KRABD2: variants seen among roughly 807,000 people sequenced by gnomAD.
KRABD2 encodes KRAB domain containing 2.
the KRABD2 span, chr17:8,370,355 C>T: frequency 1.3e-6 from 2 of 1,593,162 alleles, no homozygotes; most frequent in African/African-American, 2.7e-5. Flanking sequence ...TTCCAGCTCT[C>T]TGAGGCATCA....
the KRABD2 span, among the ~76,000 whole-genome samples, chr17:8,362,667 G>A: frequency 6.6e-6 from 1 of 152,170 alleles, no homozygotes; most frequent in Non-Finnish European, 1.5e-5. The surrounding 1 kb of genome is among the most constrained non-coding windows in gnomAD (Gnocchi z 4.2). Context: ...TTGAATGGAC[G>A]ATGAACTGGG....
chr17:8,362,004 C>T, the KRABD2 span, among the ~76,000 whole-genome samples: 1 of 152,174 alleles, frequency 6.6e-6, no homozygotes, highest in African/African-American at 2.4e-5. This position sits in a 1 kb window ranked among gnomAD's most constrained non-coding sequence, Gnocchi z 4.2. Context: ...CTTCAACTGA[C>T]TTTGTAGGAT....
chr17:8,371,186 A>T, the KRABD2 span: 1 of 866,948 alleles, frequency 1.2e-6, no homozygotes, highest in Non-Finnish European at 1.8e-6. Flanking sequence ...AAAATTTCTT[A>T]TGGCTGAGGA....
At chr17:8,369,213 A>G in the KRABD2 span, 30 of 1,614,174 alleles carry the variant, frequency 1.9e-5, no homozygotes, top group Middle Eastern at 1.6e-4. Flanking sequence ...GTCATCGTCC[A>G]TATCAGATCT....
the KRABD2 span, among the ~76,000 whole-genome samples, chr17:8,361,521 G>T: frequency 6.6e-6 from 1 of 152,186 alleles, no homozygotes; most frequent in Non-Finnish European, 1.5e-5. Context: ...AGGTAGTTGG[G>T]ACCATATGAT....
the KRABD2 span, among the ~76,000 whole-genome samples, chr17:8,372,937 G>A: frequency 1.0e-3 from 157 of 152,142 alleles, 1 homozygote; most frequent in Non-Finnish European, 3.5e-4. The surrounding 1 kb of genome is among the most constrained non-coding windows in gnomAD (Gnocchi z 4.1). Context: ...AAGGCAACAG[G>A]CTAGAAACAA....
At chr17:8,375,746 G>A in the KRABD2 span, 103 of 300,998 alleles carry the variant, frequency 3.4e-4, no homozygotes, top group African/African-American at 2.4e-3. Flanking sequence ...TATGTTGCCC[G>A]AGGCTTCAGT....
the KRABD2 span, chr17:8,371,553 A>C: frequency 3.2e-6 from 5 of 1,573,718 alleles, no homozygotes; most frequent in Non-Finnish European, 3.5e-6. Context: ...AAGGACTCTG[A>C]AAGCGAGTCA....
At chr17:8,374,937 CAAAAAAAA>C in the KRABD2 span, among the ~76,000 whole-genome samples, 49 of 46,186 alleles carry the variant, frequency 1.1e-3, no homozygotes, top group African/African-American at 2.3e-3. Context: ...GACTCTGTCA[CAAAAAAAA>C]AAAAAAAAAA....
chr17:8,369,006 AG>A, the KRABD2 span: 1 of 1,408,960 alleles, frequency 7.1e-7, no homozygotes, highest in East Asian at 2.4e-5. Context: ...TTTTTGAGCA[AG>A]GACTGCCATG....
the KRABD2 span, among the ~76,000 whole-genome samples, chr17:8,372,446 C>A: frequency 6.6e-6 from 1 of 152,106 alleles, no homozygotes; most frequent in Non-Finnish European, 1.5e-5. This position sits in a 1 kb window ranked among gnomAD's most constrained non-coding sequence, Gnocchi z 4.1. Context: ...AACTCCTGGG[C>A]TCTAGTGATC....
the KRABD2 span, chr17:8,359,648 G>C: frequency 2.2e-6 from 1 of 455,862 alleles, no homozygotes; most frequent in African/African-American, 2.0e-5. Context: ...TTTCAGAGAG[G>C]CTCTCTTCCT....
chr17:8,362,205 C>A, the KRABD2 span, among the ~76,000 whole-genome samples: 5 of 152,092 alleles, frequency 3.3e-5, no homozygotes, highest in Non-Finnish European at 7.4e-5. The surrounding 1 kb of genome is among the most constrained non-coding windows in gnomAD (Gnocchi z 4.2). Context: ...TGGCGGGTGC[C>A]TGTAGTCCCA....
chr17:8,369,049 C>G, the KRABD2 span: 10 of 1,512,320 alleles, frequency 6.6e-6, no homozygotes, highest in Non-Finnish European at 8.8e-6. Context: ...AGCCTTCAAT[C>G]TTTTCCTCTG....
At chr17:8,371,850 A>T in the KRABD2 span, 1 of 1,040,646 alleles carries the variant, frequency 9.6e-7, no homozygotes, top group African/African-American at 1.7e-5. Context: ...CCTGCAGAAA[A>T]GAGATACCCC....
chr17:8,376,385 T>A, the KRABD2 span: 1 of 1,166,350 alleles, frequency 8.6e-7, no homozygotes, highest in East Asian at 3.9e-5. Context: ...TCGATTGCTA[T>A]GAAGATTCAA....
At chr17:8,369,807 T>C in the KRABD2 span, 1 of 1,614,108 alleles carries the variant, frequency 6.2e-7, no homozygotes, top group South Asian at 1.1e-5. Flanking sequence ...GGACTGCATG[T>C]CAAGTATTTC....
the KRABD2 span, chr17:8,369,975 A>G: frequency 6.2e-7 from 1 of 1,614,200 alleles, no homozygotes; most frequent in East Asian, 2.2e-5. Context: ...CAGCTCCTTG[A>G]GCATGCGTGT....
the KRABD2 span, among the ~76,000 whole-genome samples, chr17:8,373,299 C>T: frequency 6.6e-6 from 1 of 152,228 alleles, no homozygotes; most frequent in Non-Finnish European, 1.5e-5. Context: ...CTCAGCCTGC[C>T]GAGTGCCTGG....
Sources: gnomAD v4.1 joint callset for allele counts (sites outside exome capture counted in the v4.1 genomes callset) on GRCh38, gnomAD v4.1.1 for gene constraint, Gnocchi (gnomAD v3.1) non-coding constraint, MANE v1.5 for transcripts, NCBI Gene and HGNC (gene_info 2026-07-23, HGNC 2026-07-21) for gene names.